Variants in NRXN1 observed in about 807,000 individuals in gnomAD.
NRXN1 encodes the protein neurexin 1.
A neutral mutation model predicts 150.9 loss-of-function variants in NRXN1; 39 were observed. That is an observed-to-expected ratio of 0.26 (90% CI 0.20 to 0.34). The LOEUF is 0.34. Among genes scored for constraint, NRXN1 ranks in the 10% least tolerant of loss-of-function variants. The pLI is 1.00. For missense variants in NRXN1, 1,815 were observed against 1,949.9 expected (o/e 0.93, Z 1.30); for synonymous variants, 924 against 757.0 (o/e 1.22, Z -3.62).
intron 17 of NRXN1, among the ~76,000 whole-genome samples, chr2:50,402,024 T>C (rs1267548229): frequency 6.6e-6 from 1 of 152,118 alleles, no homozygotes; most frequent in Non-Finnish European, 1.5e-5. Context: ...TTGCTCAACC[T>C]GGACTTGCCT....
At chr2:50,955,370 T>A (rs776682485) in intron 2 of NRXN1, among the ~76,000 whole-genome samples, 30 of 152,222 alleles carry the variant, frequency 2.0e-4, no homozygotes, top group Non-Finnish European at 3.5e-4. Context: ...AGGAGTGAGT[T>A]AAATTCTGTA....
At chr2:50,380,441 T>C (rs1374515749) in intron 17 of NRXN1, among the ~76,000 whole-genome samples, 1 of 152,110 alleles carries the variant, frequency 6.6e-6, no homozygotes, top group Admixed American at 6.6e-5. Context: ...TTTTCAATTC[T>C]TTTTTATATA....
At chr2:50,693,415 T>G (rs541963806) in intron 5 of NRXN1, among the ~76,000 whole-genome samples, 2 of 152,230 alleles carry the variant, frequency 1.3e-5, no homozygotes, top group East Asian at 3.9e-4. Context: ...CCTGACTTCT[T>G]GGAGGTGTTT....
chr2:50,410,871 G>C (rs1299083282), intron 17 of NRXN1, among the ~76,000 whole-genome samples: 4 of 152,178 alleles, frequency 2.6e-5, no homozygotes, highest in African/African-American at 9.6e-5. Flanking sequence ...AATCAAAAGA[G>C]AAGGAGGCAA....
chr2:50,472,159 T>C (rs543863516), intron 16 of NRXN1, 139 bp downstream of exon 16: 11 of 610,918 alleles, frequency 1.8e-5, no homozygotes, highest in Non-Finnish European at 2.7e-5. Context: ...AGATAAAAAA[T>C]TAAAAACTTG....
chr2:50,193,333 A>C (rs2061560975), intron 18 of NRXN1, among the ~76,000 whole-genome samples: 2 of 152,176 alleles, frequency 1.3e-5, no homozygotes. Flanking sequence ...ATATATTTAG[A>C]GCCTACGAGT....
chr2:50,805,529 G>A (rs67544127), intron 5 of NRXN1, among the ~76,000 whole-genome samples: 30,316 of 151,778 alleles, frequency 0.2, 3,111 homozygotes, highest in African/African-American at 0.2. Context: ...GATCCCAGCT[G>A]CTTGGGAGGC....
At chr2:50,425,263 A>C (rs1057298347) in intron 17 of NRXN1, among the ~76,000 whole-genome samples, 7 of 152,216 alleles carry the variant, frequency 4.6e-5, no homozygotes, top group African/African-American at 1.7e-4. Flanking sequence ...TTTATACTGG[A>C]ACAAGCTCTG....
chr2:50,775,772 C>G (rs60088848), intron 5 of NRXN1, among the ~76,000 whole-genome samples: 1 of 152,182 alleles, frequency 6.6e-6, no homozygotes, highest in African/African-American at 2.4e-5. Flanking sequence ...CATTGATATG[C>G]TGGTACTTTT....
At chr2:50,089,399 C>T (rs1699247165) in intron 19 of NRXN1, among the ~76,000 whole-genome samples, 1 of 152,192 alleles carries the variant, frequency 6.6e-6, no homozygotes, top group African/African-American at 2.4e-5. Context: ...ATGACTTTCT[C>T]TCAGCAAATA....
intron 12 of NRXN1, among the ~76,000 whole-genome samples, chr2:50,513,100 A>G (rs2092514150): frequency 1.3e-5 from 2 of 152,190 alleles, no homozygotes; most frequent in Non-Finnish European, 2.9e-5. Context: ...AATGTGAGAT[A>G]ATAATGCCTA....
chr2:50,115,452 C>A (rs1486880833), intron 18 of NRXN1, among the ~76,000 whole-genome samples: 1 of 151,712 alleles, frequency 6.6e-6, no homozygotes, highest in Non-Finnish European at 1.5e-5. Flanking sequence ...TGTACTTTCT[C>A]ATTTAATATC....
intron 5 of NRXN1, among the ~76,000 whole-genome samples, chr2:50,648,476 G>A (rs578182303): frequency 8.5e-5 from 13 of 152,056 alleles, no homozygotes; most frequent in Admixed American, 2.6e-4. Flanking sequence ...CACTGATAAA[G>A]ATCATTTATC....
At chr2:50,149,690 C>T (rs2058584572) in intron 18 of NRXN1, among the ~76,000 whole-genome samples, 1 of 151,626 alleles carries the variant, frequency 6.6e-6, no homozygotes, top group African/African-American at 2.4e-5. Context: ...ATTTTACTTT[C>T]CTTATCTTTA....
intron 8 of NRXN1, among the ~76,000 whole-genome samples, chr2:50,585,056 T>C (rs1048229073): frequency 2.0e-5 from 3 of 152,126 alleles, no homozygotes; most frequent in Admixed American, 6.5e-5. Flanking sequence ...TAAATTTACA[T>C]ACCTCACCCT....
intron 21 of NRXN1, among the ~76,000 whole-genome samples, chr2:50,050,806 A>G (rs996994206): frequency 4.0e-5 from 6 of 151,860 alleles, no homozygotes; most frequent in African/African-American, 1.4e-4. Context: ...CCATACATAC[A>G]TGTGTTGTTA....
At chr2:50,239,393 C>T (rs561261613) in intron 17 of NRXN1, among the ~76,000 whole-genome samples, 30 of 150,766 alleles carry the variant, frequency 2.0e-4, no homozygotes, top group Middle Eastern at 3.2e-3. Flanking sequence ...TGATATAAAA[C>T]AACACATATC....
At chr2:50,444,526 C>T (rs952096072) in intron 17 of NRXN1, among the ~76,000 whole-genome samples, 3 of 152,086 alleles carry the variant, frequency 2.0e-5, no homozygotes, top group African/African-American at 4.8e-5. Flanking sequence ...CAAGAAGCAG[C>T]GCTGCCTCTA....
intron 17 of NRXN1, among the ~76,000 whole-genome samples, chr2:50,273,658 A>C (rs1466666788): frequency 6.6e-6 from 1 of 152,134 alleles, no homozygotes. Context: ...CTTAAGAAAA[A>C]TTTAGTCAAG....
Sources: allele counts gnomAD v4.1 joint callset (sites outside exome capture counted in the v4.1 genomes callset), GRCh38; gene constraint gnomAD v4.1.1; transcripts MANE v1.5; gene names NCBI Gene and HGNC (gene_info 2026-07-23, HGNC 2026-07-21).